ARHGAP24: variants seen among roughly 807,000 people sequenced by gnomAD.
ARHGAP24 encodes rho GTPase-activating protein 24.
In ARHGAP24, 50 loss-of-function variants were observed where a neutral mutation model predicts 76.4. The ratio of observed to expected loss-of-function variants is 0.65; its 90% CI spans 0.52 to 0.83. The LOEUF (loss-of-function observed/expected upper bound fraction) is 0.83, where lower values mean the gene tolerates loss of function less well. ARHGAP24 is among the 40% of genes least tolerant of loss of function. ARHGAP24 has a pLI of 0.00. For missense variants in ARHGAP24, 930 were observed against 914.2 expected, an observed-to-expected ratio of 1.02 and a Z score of -0.22; for synonymous variants, 345 against 323.3, an observed-to-expected ratio of 1.07 and a Z score of -0.72.
chr4:85,772,774 GCCTAGGAAA>G (rs1727178908), intron 3 of ARHGAP24, among the ~76,000 whole-genome samples: 1 of 152,176 alleles, frequency 6.6e-6, no homozygotes, highest in African/African-American at 2.4e-5. Flanking sequence ...ACATGCTGAT[GCCTAGGAAA>G]CCTAATTTTC....
intron 2 of ARHGAP24, among the ~76,000 whole-genome samples, chr4:85,664,978 A>AAC (rs1006634320): frequency 6.6e-6 from 1 of 152,218 alleles, no homozygotes; most frequent in Admixed American, 6.5e-5. Context: ...GCTGAAAAAA[A>AAC]ACATATATTC....
intron 2 of ARHGAP24, among the ~76,000 whole-genome samples, chr4:85,602,356 G>A (rs1480086540): frequency 6.6e-6 from 1 of 152,192 alleles, no homozygotes; most frequent in Admixed American, 6.5e-5. Flanking sequence ...GCAGTTGAGA[G>A]AAGGTGATTT....
In ARHGAP24 at chr4:85,869,336, C is replaced by T. The variant is rs541957569; in HGVS notation, c.269-54312C>T. 1.2e-4 allele frequency among the ~76,000 whole-genome samples: 19 copies of T among 152,286 alleles called. No homozygotes were observed. The South Asian group carries it at 2.1e-3, about 17-fold the overall frequency. The stretch of plus-strand genomic sequence containing the variant: ...GGAATGGTTGTTGATGCATCCAGCC[C>T]TCAGTGTCTGTCACTCTAAGAATAA... On this transcript the variant is annotated intron_variant, in intron 3 of 9. Coordinates refer to ENST00000395184, the MANE Select transcript of ARHGAP24 (RefSeq NM_001025616.3).
chr4:85,730,586 T>A (rs1725362931), intron 3 of ARHGAP24, among the ~76,000 whole-genome samples: 1 of 152,046 alleles, frequency 6.6e-6, no homozygotes, highest in African/African-American at 2.4e-5. Flanking sequence ...ATTTTTTTGT[T>A]TTTGTAGAGA....
intron 3 of ARHGAP24, among the ~76,000 whole-genome samples, chr4:85,895,582 G>A (rs1734133217): frequency 6.6e-6 from 1 of 152,074 alleles, no homozygotes; most frequent in South Asian, 2.1e-4. Flanking sequence ...AGCTATTGAT[G>A]TTTCATGGTC....
At position 85,995,080 on chromosome 4, in the gene ARHGAP24, A is replaced by T; in HGVS notation, c.1426A>T (p.Ser476Cys). 3 of 1,614,108 alleles carry T rather than the reference A, an allele frequency of 1.9e-6. No individual in the cohort carries two copies. The highest frequency in any genetic ancestry group is 2.5e-6 in the Non-Finnish European group (3 of 1,180,016). ...KVSGTKMGTH[S>C]VQNGTVRMGI... is the part of the protein sequence containing the mutation. ...ATCTGGTACCAAAATGGGCACGCAC[A>T]GTGTACAGAATGGAACGGTGCGCAT... The change falls in exon 9 of 10, where the codon AGT (serine) becomes TGT (cysteine). Residue 476 changes from serine to cysteine, a missense_variant. Ser to Cys is a moderately radical substitution (Grantham distance 112). Coordinates refer to ENST00000395184, the MANE Select transcript of ARHGAP24 (RefSeq NM_001025616.3).
rs116640893 is a variant in ARHGAP24 at position 85,555,801 on chromosome 4, G to A, written c.-20-14721G>A. Among the ~76,000 whole-genome samples the A allele has an allele frequency of 9.4e-3, 1,427 of 152,278 alleles. 22 individuals carry two copies. The highest frequency in any genetic ancestry group is 0.033 in the African/African-American group (1,363 of 41,538). On this transcript the variant is annotated intron_variant, in intron 1 of 9. Transcript: ENST00000395184. ...CAGTTGGGGCTATCAGCCTGGGGTG[G>A]GGTGGCTGCATTGTGGACTCAAGCC... is the stretch of plus-strand genomic sequence containing the variant.
intron 1 of ARHGAP24, among the ~76,000 whole-genome samples, chr4:85,534,927 TAAAAA>T (rs200978740): frequency 1.0e-5 from 1 of 99,918 alleles, no homozygotes; most frequent in Non-Finnish European, 2.3e-5. Flanking sequence ...ATATTTACAG[TAAAAA>T]AAAAAAAAAA....
chr4:85,874,336 T>A (rs1052272587), intron 3 of ARHGAP24, among the ~76,000 whole-genome samples: 61 of 152,302 alleles, frequency 4.0e-4, no homozygotes, highest in African/African-American at 1.4e-3. Context: ...ATTCCAGGTG[T>A]AGACTTCCGA....
At chr4:85,668,677 G>C (rs1281662579) in intron 2 of ARHGAP24, among the ~76,000 whole-genome samples, 6 of 152,280 alleles carry the variant, frequency 3.9e-5, no homozygotes, top group African/African-American at 1.4e-4. Context: ...GTCTGAGTTT[G>C]AGAGGGGAAG....
chr4:85,640,908 G>T (rs557230105), intron 2 of ARHGAP24, among the ~76,000 whole-genome samples: 1 of 151,588 alleles, frequency 6.6e-6, no homozygotes, highest in African/African-American at 2.4e-5. Context: ...ACAATTTTTT[G>T]GATACAAGAT....
intron 2 of ARHGAP24, chr4:85,604,232 G>A (rs1297389001): frequency 6.6e-6 from 1 of 152,216 alleles, no homozygotes; most frequent in East Asian, 1.9e-4. Context: ...GAAGTGACAA[G>A]TGCCTCCTTG....
intron 3 of ARHGAP24, among the ~76,000 whole-genome samples, chr4:85,797,857 G>C (rs1420752245): frequency 6.6e-6 from 1 of 152,144 alleles, no homozygotes; most frequent in African/African-American, 2.4e-5. Context: ...TCAGACTAAA[G>C]TAATTATTTC....
chr4:85,712,520 A>G (rs911624630), intron 2 of ARHGAP24, among the ~76,000 whole-genome samples: 3 of 152,302 alleles, frequency 2.0e-5, no homozygotes, highest in African/African-American at 4.8e-5. Flanking sequence ...TATCTCCTAG[A>G]TAAGTCTGAA....
At chr4:85,627,819 T>C (rs1721016640) in intron 2 of ARHGAP24, among the ~76,000 whole-genome samples, 1 of 152,196 alleles carries the variant, frequency 6.6e-6, no homozygotes, top group Non-Finnish European at 1.5e-5. Flanking sequence ...TGCAGTTTGA[T>C]CTTGGACTGC....
chr4:85,995,049 G>C lies in ARHGAP24; in HGVS notation c.1395G>C (p.Leu465=). The C allele has an allele frequency of 6.2e-7, 1 of 1,614,096 alleles. No homozygotes were observed. Among genetic ancestry groups the C allele is most frequent in the Non-Finnish European group, 8.5e-7 (1 of 1,180,024 alleles). Residue 465 remains leucine, a synonymous_variant, in exon 9 of 10, where the codon CTG becomes CTC. Coordinates refer to ENST00000395184, the MANE Select transcript of ARHGAP24 (RefSeq NM_001025616.3). ...GSLQARRSSS[L]KVSGTKMGTH... is the part of the protein sequence containing the mutation. ...TACAGGCCAGAAGGAGCTCTTCACT[G>C]AAGGTATCTGGTACCAAAATGGGCA... is the stretch of plus-strand genomic sequence containing the variant.
At chr4:85,485,537 T>G (rs1723016238) in intron 1 of ARHGAP24, among the ~76,000 whole-genome samples, 1 of 150,636 alleles carries the variant, frequency 6.6e-6, no homozygotes, top group African/African-American at 2.4e-5. Flanking sequence ...AAAAGGACAT[T>G]GAGAAAAGAT....
chr4:85,696,577 A>T (rs1723872902), intron 2 of ARHGAP24, among the ~76,000 whole-genome samples: 1 of 152,128 alleles, frequency 6.6e-6, no homozygotes, highest in Non-Finnish European at 1.5e-5. Flanking sequence ...TTCATTTTTA[A>T]TGCCTGTAAT....
intron 3 of ARHGAP24, among the ~76,000 whole-genome samples, chr4:85,885,040 T>C (rs979366353): frequency 3.3e-5 from 5 of 152,168 alleles, no homozygotes; most frequent in Non-Finnish European, 7.4e-5. Flanking sequence ...AGTTACCACG[T>C]AGAAGGAAAT....
Sources: allele counts gnomAD v4.1 joint callset (sites outside exome capture counted in the v4.1 genomes callset), GRCh38; gene constraint gnomAD v4.1.1; transcripts MANE v1.5; gene names NCBI Gene and HGNC (gene_info 2026-07-23, HGNC 2026-07-21).